Variants in TAFA5 observed in about 807,000 individuals in gnomAD.
The protein encoded by TAFA5 is chemokine-like protein TAFA-5.
TAFA5 carries 6 observed loss-of-function variants against 15.3 expected under a neutral mutation model. The ratio of observed to expected loss-of-function variants is 0.39; its 90% CI spans 0.21 to 0.77. The LOEUF is 0.77. Among genes scored for constraint, TAFA5 ranks in the 30% least tolerant of loss-of-function variants. The pLI is 0.41. For missense variants in TAFA5, 161 were observed against 193.1 expected (o/e 0.83, Z 0.98); for synonymous variants, 103 against 80.7 (o/e 1.28, Z -1.48).
At chr22:48,726,841 C>T (rs899650889) in intron 3 of TAFA5, among the ~76,000 whole-genome samples, 16 of 152,214 alleles carry the variant, frequency 1.1e-4, no homozygotes, top group South Asian at 2.1e-4. Context: ...CATTCAACCC[C>T]GGATCTGGAG....
At chr22:48,692,469 GC>G (rs1928572936) in intron 2 of TAFA5, among the ~76,000 whole-genome samples, 1 of 152,162 alleles carries the variant, frequency 6.6e-6, no homozygotes, top group Non-Finnish European at 1.5e-5. Flanking sequence ...TCGCCGTGTT[GC>G]CCAGGCTGGT....
chr22:48,617,056 G>A (rs28425540), intron 1 of TAFA5, among the ~76,000 whole-genome samples: 65,516 of 152,046 alleles, frequency 0.43, 15,337 homozygotes, highest in Non-Finnish European at 0.52. Context: ...CAGACCCAGC[G>A]TGTGGTTGGC....
At chr22:48,561,553 C>T (rs1403419180) in intron 1 of TAFA5, among the ~76,000 whole-genome samples, 1 of 152,180 alleles carries the variant, frequency 6.6e-6, no homozygotes, top group East Asian at 1.9e-4. Context: ...ATGTTTGCCA[C>T]CCCTGTTTGT....
At chr22:48,520,156 A>G (rs956743848) in intron 1 of TAFA5, among the ~76,000 whole-genome samples, 1 of 152,212 alleles carries the variant, frequency 6.6e-6, no homozygotes, top group Admixed American at 6.5e-5. Context: ...TGGAGGCCAC[A>G]TGTTTCCCCT....
chr22:48,725,833 G>C (rs954920266), intron 3 of TAFA5, among the ~76,000 whole-genome samples: 1 of 152,042 alleles, frequency 6.6e-6, no homozygotes, highest in Non-Finnish European at 1.5e-5. Context: ...ATGCTCCTGA[G>C]GGGGAACCTC....
chr22:48,692,492 G>C (rs1191668632), intron 2 of TAFA5, among the ~76,000 whole-genome samples: 1 of 152,186 alleles, frequency 6.6e-6, no homozygotes, highest in African/African-American at 2.4e-5. Context: ...TCAAACTCTT[G>C]GGTTCAAGTG....
intron 1 of TAFA5, among the ~76,000 whole-genome samples, chr22:48,587,209 G>A (rs149066748): frequency 1.2e-4 from 19 of 152,304 alleles, no homozygotes; most frequent in Non-Finnish European, 2.4e-4. Flanking sequence ...GGCCCATGAC[G>A]GTTTCCCATG....
At chr22:48,689,955 G>A (rs1928485278) in intron 2 of TAFA5, among the ~76,000 whole-genome samples, 1 of 152,092 alleles carries the variant, frequency 6.6e-6, no homozygotes, top group African/African-American at 2.4e-5. Context: ...GCAAGGGAGC[G>A]CTCCCTGTAC....
intron 1 of TAFA5, among the ~76,000 whole-genome samples, chr22:48,496,879 A>G (rs1928344628): frequency 6.6e-6 from 1 of 152,160 alleles, no homozygotes; most frequent in Non-Finnish European, 1.5e-5. Flanking sequence ...GAATATAGGA[A>G]AGAAAATACA....
chr22:48,659,087 C>T (rs565988563), intron 2 of TAFA5, among the ~76,000 whole-genome samples: 1 of 152,366 alleles, frequency 6.6e-6, no homozygotes, highest in South Asian at 2.1e-4. Flanking sequence ...GCTGAGGGCG[C>T]AGCGCCTTCT....
At chr22:48,647,956 C>T (rs59593202) in intron 2 of TAFA5, among the ~76,000 whole-genome samples, 2,436 of 152,254 alleles carry the variant, frequency 0.016, 60 homozygotes, top group African/African-American at 0.054. Context: ...GGGTTGCCCT[C>T]GAGCTGCGGC....
chr22:48,706,025 C>A (rs1374326130), intron 2 of TAFA5, among the ~76,000 whole-genome samples: 3 of 152,218 alleles, frequency 2.0e-5, no homozygotes, highest in African/African-American at 7.2e-5. Flanking sequence ...GTGAAAGGGA[C>A]CGGGGCTGCA....
rs1928075077 is a variant in TAFA5, at chr22:48,489,762, C to T, written c.112+58C>T. 7 of 1,128,312 alleles carry T rather than the reference C, an allele frequency of 6.2e-6. No individual in the cohort carries two copies. The highest frequency in any genetic ancestry group is 2.2e-4 in the Middle Eastern group (1 of 4,470). 69.9% of individuals were successfully genotyped at this position (1,128,312 alleles called of 1,614,324 possible). ...CCCTCTGGGCCCCGGACCCCCTCCT[C>T]CGGCCCCGGCAGGCGCCCCGCGGGC... On this transcript the variant is annotated intron_variant, in intron 1 of 3. Transcript: ENST00000402357. The surrounding 1 kb of genome is among the most constrained non-coding windows in gnomAD (Gnocchi z 5.5).
intron 1 of TAFA5, among the ~76,000 whole-genome samples, chr22:48,580,084 G>C (rs570422917): frequency 6.6e-6 from 1 of 152,208 alleles, no homozygotes; most frequent in African/African-American, 2.4e-5. Flanking sequence ...CCCGGGCCTC[G>C]ATTCCAGAAG....
chr22:48,714,720 G>C (rs1023631856), intron 3 of TAFA5, among the ~76,000 whole-genome samples: 14 of 152,248 alleles, frequency 9.2e-5, no homozygotes, highest in Non-Finnish European at 2.1e-4. Context: ...CTTCCTGCCT[G>C]TGTGTCCTGC....
intron 2 of TAFA5, among the ~76,000 whole-genome samples, chr22:48,665,867 C>G (rs1252098575): frequency 6.6e-6 from 1 of 152,078 alleles, no homozygotes; most frequent in Non-Finnish European, 1.5e-5. Context: ...TTCCTTTTCC[C>G]TGGGCCGCCT....
At position 48,490,829 on chromosome 22, in the gene TAFA5, T is replaced by G. The variant is rs200005180; in HGVS notation, c.112+1125T>G. Among the ~76,000 whole-genome samples, 1 of 49,912 alleles carries G rather than the reference T, an allele frequency of 2.0e-5. No individual in the cohort carries two copies. Among genetic ancestry groups the G allele is most frequent in the African/African-American group, 2.3e-4 (1 of 4,352 alleles). 32.7% of individuals were successfully genotyped at this position (49,912 alleles called of 152,430 possible). A position where few individuals can be genotyped will look rare whatever the true frequency, so the allele number is the denominator to read the frequency against. On this transcript the variant is annotated intron_variant, in intron 1 of 3. Coordinates refer to ENST00000402357, the MANE Select transcript of TAFA5 (RefSeq NM_001082967.3). The surrounding 1 kb of genome is among the most constrained non-coding windows in gnomAD (Gnocchi z 5.8). Reference sequence around the variant, plus strand: ...CGAACCTCCCTCCACAGACACCACCTCCTCCAGAGCCCCGGGCCTCCAAGC... The same window carrying G: ...CGAACCTCCCTCCACAGACACCACCGCCTCCAGAGCCCCGGGCCTCCAAGC...
chr22:48,608,346 C>T (rs1471284245), intron 1 of TAFA5, among the ~76,000 whole-genome samples: 11 of 152,276 alleles, frequency 7.2e-5, no homozygotes, highest in East Asian at 1.9e-4. Flanking sequence ...CCTTTTTTCT[C>T]TGAACATTTA....
At chr22:48,518,715 A>G (rs1921501800) in intron 1 of TAFA5, among the ~76,000 whole-genome samples, 1 of 152,064 alleles carries the variant, frequency 6.6e-6, no homozygotes, top group African/African-American at 2.4e-5. Flanking sequence ...TGCAGAGGAA[A>G]CAGGTCCCCT....
Sources: allele counts gnomAD v4.1 joint callset (sites outside exome capture counted in the v4.1 genomes callset), GRCh38; gene constraint gnomAD v4.1.1; non-coding constraint Gnocchi (gnomAD v3.1); transcripts MANE v1.5; gene names NCBI Gene and HGNC (gene_info 2026-07-23, HGNC 2026-07-21).